INTS4: variants seen among roughly 807,000 people sequenced by gnomAD.
INTS4 encodes integrator complex subunit 4, also known as MSTP093.
A neutral mutation model predicts 119.5 loss-of-function variants in INTS4; 70 were observed. The observed-to-expected ratio is 0.59, with a 90% CI of 0.48 to 0.71. The LOEUF (loss-of-function observed/expected upper bound fraction) is 0.71, where lower values mean the gene tolerates loss of function less well. Among genes scored for constraint, INTS4 ranks in the 30% least tolerant of loss-of-function variants. INTS4 has a pLI of 0.00. For synonymous variants in INTS4, 316 were observed against 419.6 expected, an observed-to-expected ratio of 0.75 and a Z score of 3.02; for missense variants, 867 against 1,173.2, an observed-to-expected ratio of 0.74 and a Z score of 3.81.
intron 4 of INTS4, among the ~76,000 whole-genome samples, chr11:77,975,738 A>G (rs866992961): frequency 4.6e-5 from 7 of 152,044 alleles, no homozygotes; most frequent in Non-Finnish European, 1.0e-4. Flanking sequence ...CGGGCGGATC[A>G]TGAGGTCAGG....
chr11:77,922,406 C>T lies in INTS4; in HGVS notation c.1580G>A (p.Ser527Asn), dbSNP rs1360732683. 3.3e-6 allele frequency: 5 copies of T among 1,499,908 alleles called. No individual in the cohort carries two copies. Among genetic ancestry groups the T allele is most frequent in the Middle Eastern group, 2.5e-4 (1 of 4,062 alleles). 92.9% of individuals were successfully genotyped at this position (1,499,908 alleles called of 1,614,324 possible). Reference protein sequence around the residue: ...LVLPLVPELLSTHPFFDTAEP... With the variant: ...LVLPLVPELLNTHPFFDTAEP... ...AGCTGTGTCAAAAAATGGGTGGGTG[C>T]TCAGAAGCTCTGGCACCAAGGGAAG... is the stretch of plus-strand genomic sequence containing the variant. The change falls in exon 13 of 23, where the codon AGC becomes AAC. Residue 527 changes from serine to asparagine, a missense_variant. Ser to Asn is a conservative substitution (Grantham distance 46). Around this residue, in one of 5 missense-constraint regions of INTS4, gnomAD observed 51 missense variants for 125.5 expected, o/e 0.41. Transcript: ENST00000534064.
intron 8 of INTS4, among the ~76,000 whole-genome samples, chr11:77,945,762 C>T (rs1004320963): frequency 6.6e-6 from 1 of 152,344 alleles, no homozygotes; most frequent in Non-Finnish European, 1.5e-5. Flanking sequence ...CACCTGCCCA[C>T]GCCCTGCCTG....
At chr11:77,933,720 G>A (rs1324348785) in intron 10 of INTS4, among the ~76,000 whole-genome samples, 4 of 151,680 alleles carry the variant, frequency 2.6e-5, no homozygotes, top group Non-Finnish European at 5.9e-5. Context: ...CTGCCCTGCC[G>A]CCCCCTATGA....
chr11:77,948,668 C>CA (rs869211924), intron 8 of INTS4, among the ~76,000 whole-genome samples: 58 of 59,206 alleles, frequency 9.8e-4, no homozygotes, highest in South Asian at 3.5e-3. Flanking sequence ...AAAAAAAAAA[C>CA]AAAAAAAAAA....
chr11:77,905,397 C>T (rs1455617300), intron 16 of INTS4, among the ~76,000 whole-genome samples: 1 of 150,930 alleles, frequency 6.6e-6, no homozygotes, highest in Non-Finnish European at 1.5e-5. Context: ...GCAGAGGTTG[C>T]AGCAGTGAGC....
chr11:77,957,876 C>T (rs1455179273), intron 7 of INTS4, among the ~76,000 whole-genome samples: 6 of 151,858 alleles, frequency 4.0e-5, no homozygotes. Flanking sequence ...ACCATGTTGA[C>T]CAAGCTGGTC....
intron 21 of INTS4, among the ~76,000 whole-genome samples, chr11:77,891,112 G>C (rs1425657785): frequency 6.6e-6 from 1 of 152,108 alleles, no homozygotes; most frequent in African/African-American, 2.4e-5. Context: ...GTCAGTTGTA[G>C]AATCTGAGAC....
chr11:77,876,698 T>A (rs1951603954), downstream of INTS4, among the ~76,000 whole-genome samples: 9 of 152,136 alleles, frequency 5.9e-5, no homozygotes. Flanking sequence ...AGTGCATGTC[T>A]ACCTTTGATG....
intron 4 of INTS4, chr11:77,978,735 C>A: frequency 5.0e-6 from 1 of 200,500 alleles, no homozygotes; most frequent in Non-Finnish European, 1.0e-5. Context: ...TTGTGAGGAC[C>A]AAATGAAAAA....
intron 8 of INTS4, among the ~76,000 whole-genome samples, chr11:77,941,458 CTTT>C (rs35544689): frequency 3.6e-5 from 5 of 138,436 alleles, no homozygotes; most frequent in Admixed American, 7.3e-5. Flanking sequence ...ACCTACTGTG[CTTT>C]TTTTTTTTTT....
chr11:77,950,099 CA>C (rs1954152373), intron 8 of INTS4, among the ~76,000 whole-genome samples: 1 of 152,076 alleles, frequency 6.6e-6, no homozygotes, highest in African/African-American at 2.4e-5. Flanking sequence ...CCATCATTCT[CA>C]GCAAACTAAC....
chr11:77,878,441 C>T (rs1261445752), downstream of INTS4, among the ~76,000 whole-genome samples: 1 of 151,944 alleles, frequency 6.6e-6, no homozygotes, highest in Non-Finnish European at 1.5e-5. Flanking sequence ...CTACTGCCTG[C>T]ATTAGGGAAG....
chr11:77,946,353 C>A (rs549731494), intron 8 of INTS4, among the ~76,000 whole-genome samples: 1 of 152,274 alleles, frequency 6.6e-6, no homozygotes, highest in African/African-American at 2.4e-5. Context: ...TATATACTAG[C>A]TACTCAATAA....
intron 22 of INTS4, among the ~76,000 whole-genome samples, chr11:77,882,094 A>G (rs149731089): frequency 7.2e-5 from 11 of 151,926 alleles, no homozygotes; most frequent in East Asian, 1.9e-4. Context: ...TTATATATCT[A>G]TTGTAGAGAT....
intron 8 of INTS4, among the ~76,000 whole-genome samples, chr11:77,948,103 C>A (rs949804600): frequency 4.6e-5 from 7 of 152,102 alleles, no homozygotes; most frequent in African/African-American, 1.7e-4. Flanking sequence ...CCTGCCTCAG[C>A]CTCCCAAAGT....
chr11:77,884,409 G>A (rs879840511), intron 21 of INTS4, among the ~76,000 whole-genome samples: 11 of 152,112 alleles, frequency 7.2e-5, no homozygotes, highest in East Asian at 3.9e-4. Flanking sequence ...ACGGAGAGAC[G>A]GCTCAATGAA....
intron 14 of INTS4, among the ~76,000 whole-genome samples, chr11:77,919,659 A>G (rs1953291536): frequency 1.3e-5 from 2 of 152,244 alleles, no homozygotes; most frequent in African/African-American, 4.8e-5. Flanking sequence ...ATAAATTTAT[A>G]TAGCATATAA....
At chr11:77,989,141 T>C (rs139896814) in intron 2 of INTS4, among the ~76,000 whole-genome samples, 119 of 152,332 alleles carry the variant, frequency 7.8e-4, no homozygotes, top group Middle Eastern at 6.8e-3. Context: ...TATCCCTTTT[T>C]AATAGATATG....
chr11:77,993,396 T>G (rs1365108737), intron 1 of INTS4, among the ~76,000 whole-genome samples: 2 of 152,150 alleles, frequency 1.3e-5, no homozygotes, highest in Non-Finnish European at 2.9e-5. Context: ...AAGAATGGCA[T>G]GTATTCTGTG....
Sources: allele counts gnomAD v4.1 joint callset (sites outside exome capture counted in the v4.1 genomes callset), GRCh38; gene constraint gnomAD v4.1.1; regional missense constraint gnomAD v4.1.1; transcripts MANE v1.5; gene names NCBI Gene and HGNC (gene_info 2026-07-23, HGNC 2026-07-21).